Variants in HYDIN observed in about 807,000 individuals in gnomAD.
HYDIN encodes the protein axonemal central pair apparatus protein HYDIN.
In HYDIN, 132 loss-of-function variants were observed where a neutral mutation model predicts 403.9. That is an observed-to-expected ratio of 0.33 (90% CI 0.28 to 0.38). The LOEUF is 0.38. HYDIN is among the 10% of genes least tolerant of loss of function. HYDIN has a pLI of 1.00. For missense variants in HYDIN, 2,827 were observed against 5,009.5 expected, an observed-to-expected ratio of 0.56 and a Z score of 13.15; for synonymous variants, 1,202 against 1,891.7, an observed-to-expected ratio of 0.64 and a Z score of 9.46.
intron 1 of HYDIN, among the ~76,000 whole-genome samples, chr16:71,204,335 A>G (rs7206702): frequency 0.049 from 7,473 of 152,242 alleles, 565 homozygotes; most frequent in African/African-American, 0.17. Flanking sequence ...GCAAACTTGG[A>G]TTTACTCATT....
chr16:70,841,464 A>T (rs1405283284), intron 75 of HYDIN, among the ~76,000 whole-genome samples: 2 of 152,020 alleles, frequency 1.3e-5, no homozygotes, highest in East Asian at 3.9e-4. Context: ...CCAAGAAAAC[A>T]GTGGAGCTTC....
At position 71,230,702 on chromosome 16, in the gene HYDIN, G is replaced by C. The variant is rs575964263; in HGVS notation, c.-164C>G. 22 of 1,535,988 alleles carry C rather than the reference G, an allele frequency of 1.4e-5. No homozygotes were observed. The East Asian group carries it at 4.6e-4, about 32-fold the overall frequency. On this transcript the variant is annotated 5_prime_UTR_variant, in exon 1 of 86. Coordinates refer to ENST00000393567, the MANE Select transcript of HYDIN (RefSeq NM_001270974.2). ...GCACTCTCCATGCGCCGCCCGAGCT[G>C]TTGCCGTCCGTTGCCACGGTAACCA... is the stretch of plus-strand genomic sequence containing the variant.
intron 41 of HYDIN, among the ~76,000 whole-genome samples, chr16:70,950,896 C>T (rs940518976): frequency 6.6e-6 from 1 of 152,156 alleles, no homozygotes; most frequent in Non-Finnish European, 1.5e-5. Context: ...TGATGACATT[C>T]TTCTCTCTCC....
intron 1 of HYDIN, among the ~76,000 whole-genome samples, chr16:71,229,815 C>T (rs756876661): frequency 6.6e-6 from 1 of 152,204 alleles, no homozygotes; most frequent in African/African-American, 2.4e-5. Flanking sequence ...ATACTTATTG[C>T]AGTAAGTACA....
rs1204111527 is a variant in HYDIN, at chr16:71,130,208, T to C, written c.1044-385A>G. ...AAGGACAATTTTGTTCCTTTTAAAT[T>C]TGCTTAGCTTTAATTCTTTCTTAGC... On this transcript the variant is annotated intron_variant, in intron 8 of 85. Coordinates refer to ENST00000393567, the MANE Select transcript of HYDIN (RefSeq NM_001270974.2). Among the ~76,000 whole-genome samples, 4 of 152,320 alleles carry C rather than the reference T, an allele frequency of 2.6e-5. No individual in the cohort carries two copies. In the East Asian group the frequency reaches 7.7e-4, roughly 29 times the overall value.
chr16:71,027,602 C>T lies in HYDIN; in HGVS notation c.3042G>A (p.Arg1014=). 6.2e-7 allele frequency: 1 copy of T among 1,613,934 alleles called. No homozygotes were observed. Among genetic ancestry groups the T allele is most frequent in the Non-Finnish European group, 8.5e-7 (1 of 1,179,974 alleles). ...GCTTCCAAATGTGCTATCCCCTTAC[C>T]CTGGGAGTAGCAGAATAGCCTTCGA... ...VILEGYSATP[R]IVKEKLVCHA... is the part of the protein sequence containing the mutation. Residue 1014 remains arginine (R), a splice_region_variant and synonymous_variant, in exon 20 of 86, where the codon AGG becomes AGA. Transcript: ENST00000393567.
chr16:70,922,564 C>T (rs879908087), intron 45 of HYDIN, among the ~76,000 whole-genome samples: 26 of 151,972 alleles, frequency 1.7e-4, no homozygotes, highest in South Asian at 4.2e-4. Context: ...ATGTACTCTG[C>T]GGATAGTTAT....
chr16:71,067,541 T>C (rs1375521123), intron 14 of HYDIN, 151 bp from the exon 15 acceptor site: 3 of 472,882 alleles, frequency 6.3e-6, no homozygotes, highest in Admixed American at 4.2e-5. Flanking sequence ...ACAAGTTACA[T>C]TGTGGGGTCA....
intron 10 of HYDIN, among the ~76,000 whole-genome samples, chr16:71,098,327 G>A (rs1488616317): frequency 6.6e-6 from 1 of 150,564 alleles, no homozygotes; most frequent in Non-Finnish European, 1.5e-5. Flanking sequence ...TCAGCCTCCT[G>A]AGTAGCTGGG....
intron 59 of HYDIN, 52 bp from the exon 60 acceptor site, chr16:70,882,947 C>T (rs773133275): frequency 7.3e-7 from 1 of 1,374,736 alleles, no homozygotes; most frequent in Admixed American, 1.7e-5. Context: ...TGGATTCCCA[C>T]TCTGTGATTC....
At chr16:70,900,864 A>C (rs1442667641) in intron 53 of HYDIN, 140 bp downstream of exon 53, 1 of 334,824 alleles carries the variant, frequency 3.0e-6, no homozygotes, top group Non-Finnish European at 5.3e-6. Flanking sequence ...GAGATTGTGG[A>C]CTGGGGATAT....
chr16:70,900,588 TG>T (rs2076341847), intron 53 of HYDIN, among the ~76,000 whole-genome samples: 1 of 141,334 alleles, frequency 7.1e-6, no homozygotes, highest in Non-Finnish European at 1.5e-5. Flanking sequence ...GATCCCCAGG[TG>T]TCTGTTGGGA....
chr16:70,934,025 A>G (rs2077427912), intron 45 of HYDIN, among the ~76,000 whole-genome samples: 1 of 152,096 alleles, frequency 6.6e-6, no homozygotes, highest in Non-Finnish European at 1.5e-5. Context: ...AACCAGGGAG[A>G]AGGAGGAAAG....
chr16:71,229,958 G>GA (rs1421799396), intron 1 of HYDIN, among the ~76,000 whole-genome samples: 1 of 152,120 alleles, frequency 6.6e-6, no homozygotes, highest in Non-Finnish European at 1.5e-5. Flanking sequence ...TTGTTCTCAT[G>GA]ATAGTGACTG....
At chr16:70,872,289 G>GGAA in intron 64 of HYDIN, 110 bp from the exon 65 acceptor site, 1 of 534,630 alleles carries the variant, frequency 1.9e-6, no homozygotes, top group Non-Finnish European at 3.3e-6. Flanking sequence ...ATCCTTGGAT[G>GGAA]GCTATATTTG....
At chr16:70,922,212 T>G (rs965539673) in intron 45 of HYDIN, among the ~76,000 whole-genome samples, 15 of 152,298 alleles carry the variant, frequency 9.8e-5, no homozygotes, top group Non-Finnish European at 1.9e-4. Flanking sequence ...GCAGCAACAC[T>G]GCAGGCTGGC....
In HYDIN at chr16:71,093,998, C is replaced by T. The variant is rs952849969; in HGVS notation, c.1328-63G>A. ...CTTCATTTACCCCAAATCATGTTCC[C>T]TCATGTACGTTACCAATATAAATAA... On this transcript the variant is annotated intron_variant, in intron 10 of 85. Transcript: ENST00000393567. The T allele has an allele frequency of 2.3e-5, 33 of 1,451,366 alleles. No individual in the cohort carries two copies. In the Middle Eastern group the frequency reaches 5.4e-4, roughly 24 times the overall value. The allele number at this position is 1,451,366 out of a possible 1,614,324, so 89.9% of individuals were successfully genotyped here. A position where few individuals can be genotyped will look rare whatever the true frequency, so the allele number is the denominator to read the frequency against.
intron 29 of HYDIN, among the ~76,000 whole-genome samples, chr16:70,980,741 G>A (rs889742751): frequency 2.0e-5 from 3 of 151,644 alleles, no homozygotes; most frequent in Admixed American, 1.3e-4. Flanking sequence ...AAGAGTGAGA[G>A]GTTTCCCTGA....
chr16:70,915,102 T>C (rs2076798352), intron 47 of HYDIN, among the ~76,000 whole-genome samples: 1 of 151,870 alleles, frequency 6.6e-6, no homozygotes, highest in African/African-American at 2.4e-5. Flanking sequence ...TACTCTCTGA[T>C]TGGCTTAATA....
Sources: allele counts gnomAD v4.1 joint callset (sites outside exome capture counted in the v4.1 genomes callset), GRCh38; gene constraint gnomAD v4.1.1; transcripts MANE v1.5; gene names NCBI Gene and HGNC (gene_info 2026-07-23, HGNC 2026-07-21).